Variants in SRRM1 observed in about 807,000 individuals in gnomAD.
SRRM1 encodes the protein serine/arginine repetitive matrix protein 1.
Under a neutral mutation model 110.2 loss-of-function variants are expected in SRRM1, and 19 were observed. The ratio of observed to expected loss-of-function variants is 0.17; its 90% confidence interval spans 0.12 to 0.25. The LOEUF (loss-of-function observed/expected upper bound fraction) is 0.25, where lower values mean the gene tolerates loss of function less well. SRRM1 is among the 10% of genes least tolerant of loss of function. SRRM1 has a pLI of 1.00. For synonymous variants in SRRM1, 443 were observed against 414.9 expected (o/e 1.07, Z -0.82); for missense variants, 918 against 1,145.8 (o/e 0.80, Z 2.87).
chr1:24,655,072 T>G lies in SRRM1; in HGVS notation c.1258T>G (p.Ser420Ala), dbSNP rs1663226659. ...TCGGCATTCCCCTACACCCCAGCAG[T>G]CAAACCGTACAAGAAAAAGTCGTGT... ...KTRHSPTPQQ[S>A]NRTRKSRVSV... Residue 420 changes from serine to alanine, a missense_variant, in exon 9 of 17, where the codon TCA (serine) becomes GCA (alanine). Ser to Ala is a moderately conservative substitution (Grantham distance 99). Coordinates refer to ENST00000323848, the MANE Select transcript of SRRM1 (RefSeq NM_005839.4). 6.2e-7 allele frequency: 1 copy of G among 1,614,142 alleles called. No homozygotes were observed. The highest frequency in any genetic ancestry group is 1.7e-5 in the Admixed American group (1 of 60,026).
intron 14 of SRRM1, 29 bp downstream of exon 14, chr1:24,669,616 G>A (rs1365242345): frequency 1.3e-6 from 2 of 1,483,976 alleles, no homozygotes; most frequent in Non-Finnish European, 1.8e-6. Flanking sequence ...TTTCCATTAG[G>A]AATACTTACA....
chr1:24,649,881 T>C, intron 4 of SRRM1, 90 bp from the exon 5 acceptor site: 10 of 1,143,526 alleles, frequency 8.7e-6, no homozygotes, highest in Non-Finnish European at 1.2e-5. Context: ...GAAATGATAA[T>C]AGCATTGGTG....
intron 14 of SRRM1, 134 bp from the exon 15 acceptor site, chr1:24,669,986 G>A: frequency 2.4e-6 from 2 of 818,956 alleles, no homozygotes. Flanking sequence ...TTGGATATAT[G>A]TTAGTTGAAT....
chr1:24,649,221 T>C (rs1186373689), intron 4 of SRRM1, among the ~76,000 whole-genome samples, 192 bp downstream of exon 4: 1 of 152,216 alleles, frequency 6.6e-6, no homozygotes, highest in African/African-American at 2.4e-5. Flanking sequence ...ATTTTCCCAG[T>C]CTAGTGATTT....
chr1:24,661,285 C>CT, intron 10 of SRRM1, 25 bp from the exon 11 acceptor site: 1 of 1,588,896 alleles, frequency 6.3e-7, no homozygotes, highest in Non-Finnish European at 8.6e-7. Context: ...TAAAGAAACA[C>CT]TTTCTAAATG....
intron 9 of SRRM1, among the ~76,000 whole-genome samples, chr1:24,655,826 T>C (rs1663749910): frequency 6.6e-6 from 1 of 152,200 alleles, no homozygotes; most frequent in Admixed American, 6.5e-5. Flanking sequence ...TGGAATGATA[T>C]ACAGCCTAAA....
rs1278413112 is a variant in SRRM1, at chr1:24,651,529, A to C, written c.642A>C (p.Pro214=). 6.2e-7 allele frequency: 1 copy of C among 1,614,084 alleles called. No individual in the cohort carries two copies. The highest frequency in any genetic ancestry group is 8.5e-7 in the Non-Finnish European group (1 of 1,180,036). ...RTKSRSPSPA[P]EKKEKTPELP... ...AGAGCCGGAGTCCTTCCCCTGCTCC[A>C]GAAAAGAAGGAAAAAACTCCAGAGC... is the stretch of plus-strand genomic sequence containing the variant. The change falls in exon 6 of 17, where the codon CCA becomes CCC. Residue 214 remains proline (P), a synonymous_variant. Coordinates refer to ENST00000323848, the MANE Select transcript of SRRM1 (RefSeq NM_005839.4).
chr1:24,645,919 G>A (rs368352389), intron 1 of SRRM1, 65 bp from the exon 2 acceptor site: 39 of 1,366,540 alleles, frequency 2.9e-5, no homozygotes, highest in South Asian at 8.6e-5. Context: ...TATAAAGGTC[G>A]TAGGTGATAA....
intron 11 of SRRM1, 141 bp from the exon 12 acceptor site, chr1:24,662,519 G>T: frequency 1.6e-6 from 1 of 636,780 alleles, no homozygotes; most frequent in Non-Finnish European, 2.6e-6. Context: ...ATCATATATT[G>T]ATAATGATTC....
chr1:24,658,766 C>A (rs909053169), intron 9 of SRRM1, among the ~76,000 whole-genome samples: 3 of 152,070 alleles, frequency 2.0e-5, no homozygotes, highest in African/African-American at 7.2e-5. Flanking sequence ...ATTTTTATTT[C>A]TTTGAATTTG....
intron 16 of SRRM1, 123 bp downstream of exon 16, chr1:24,671,718 C>A: frequency 1.2e-6 from 1 of 827,456 alleles, no homozygotes; most frequent in Non-Finnish European, 1.9e-6. Flanking sequence ...AGATAAAAGT[C>A]ACGTACCATA....
Position 24,672,173 on chromosome 1 carries a change from T to C in SRRM1, c.2611-9T>C, listed in dbSNP as rs1247272471. ...CAAGACTTAACCGTGTAAATTCTGTTTTTTTTAGGAGACTGAAAGTGAAGC... is the reference window on the plus strand; with the variant it reads ...CAAGACTTAACCGTGTAAATTCTGTCTTTTTTAGGAGACTGAAAGTGAAGC... On this transcript the variant is annotated splice_polypyrimidine_tract_variant and intron_variant, in intron 16 of 16. Coordinates refer to ENST00000323848, the MANE Select transcript of SRRM1 (RefSeq NM_005839.4). 1.2e-6 allele frequency: 2 copies of C among 1,603,090 alleles called. No individual in the cohort carries two copies.
rs1331169705 is a variant in SRRM1 at position 24,655,122 on chromosome 1, A to G, written c.1308A>G (p.Ser436=). Residue 436 remains serine (S), a synonymous_variant, in exon 9 of 17, where the codon TCA becomes TCG. Transcript: ENST00000323848. ...SRVSVSPGRT[S]GKVTKHKGTE... ...TTTCTGTGTCTCCAGGGAGAACTTC[A>G]GGTAAAGGTAAAAATCAAACACATA... 9 of 1,613,636 alleles carry G rather than the reference A, an allele frequency of 5.6e-6. No individual in the cohort carries two copies. The highest frequency in any genetic ancestry group is 7.6e-6 in the Non-Finnish European group (9 of 1,179,796).
intron 12 of SRRM1, chr1:24,663,178 C>A (rs1419242543): frequency 1.3e-6 from 2 of 1,513,668 alleles, no homozygotes; most frequent in Non-Finnish European, 1.8e-6. Flanking sequence ...CTCCACTGCT[C>A]TCAGGATGCA....
At position 24,648,974 on chromosome 1, in the gene SRRM1, C is replaced by T. The variant is rs754497810; in HGVS notation, c.350C>T (p.Ala117Val). ...CTGCTAAGTGCACAAGAAAACATCG[C>T]GGGAATCCCTTCTGCTTTCCTAGAA... ...PLLLSAQENI[A>V]GIPSAFLELK... Residue 117 changes from alanine (A) to valine (V), a missense_variant, in exon 4 of 17, where the codon GCG becomes GTG. This residue lies in a region of SRRM1 where 38 missense variants were observed against 144.5 expected (regional missense o/e 0.26). Transcript: ENST00000323848. The T allele has an allele frequency of 8.1e-6, 13 of 1,613,850 alleles. No homozygotes were observed. The highest frequency in any genetic ancestry group is 1.3e-5 in the African/African-American group (1 of 74,988).
At chr1:24,663,090 T>G (rs759501891) in intron 12 of SRRM1, 22 of 1,211,714 alleles carry the variant, frequency 1.8e-5, no homozygotes, top group Non-Finnish European at 2.5e-5. Flanking sequence ...CTTTGAATAT[T>G]TAAAAATGTC....
At chr1:24,668,688 A>G (rs1304831252) in intron 13 of SRRM1, among the ~76,000 whole-genome samples, 1 of 152,214 alleles carries the variant, frequency 6.6e-6, no homozygotes, top group African/African-American at 2.4e-5. Flanking sequence ...GATACCACAT[A>G]GGAGACCTCT....
At chr1:24,652,369 T>C in intron 6 of SRRM1, 65 bp from the exon 7 acceptor site, 1 of 1,123,232 alleles carries the variant, frequency 8.9e-7, no homozygotes, top group Non-Finnish European at 1.3e-6. Flanking sequence ...TACATCATTG[T>C]GTAATGATTT....
chr1:24,646,931 A>G, intron 3 of SRRM1, 142 bp downstream of exon 3: 2 of 656,060 alleles, frequency 3.0e-6, no homozygotes, highest in Middle Eastern at 3.5e-4. Flanking sequence ...TTTGTAAACA[A>G]CTATTAAGGC....
Sources: allele counts gnomAD v4.1 joint callset (sites outside exome capture counted in the v4.1 genomes callset), GRCh38; gene constraint gnomAD v4.1.1; regional missense constraint gnomAD v4.1.1; transcripts MANE v1.5; gene names NCBI Gene and HGNC (gene_info 2026-07-23, HGNC 2026-07-21).